Variants in MUC22 observed in about 807,000 individuals in gnomAD.
The protein encoded by MUC22 is mucin-22.
MUC22 carries 24 observed loss-of-function variants against 40.3 expected under a neutral mutation model. The observed-to-expected ratio is 0.60, with a 90% CI of 0.43 to 0.84. The LOEUF (loss-of-function observed/expected upper bound fraction) is 0.84, where lower values mean the gene tolerates loss of function less well. Among genes scored for constraint, MUC22 ranks in the 40% least tolerant of loss-of-function variants. The pLI, the probability that MUC22 is intolerant of heterozygous loss-of-function variation, is 0.00. For missense variants in MUC22, 1,926 were observed against 2,130.7 expected (o/e 0.90, Z 1.89); for synonymous variants, 765 against 844.5 (o/e 0.91, Z 1.63).
chr6:31,024,397 A>ATCAGGTTACCAAGTAACTCCCAAAT (rs533602355), intron 1 of MUC22, among the ~76,000 whole-genome samples: 83,330 of 151,758 alleles, frequency 0.55, 23,083 homozygotes, highest in Non-Finnish European at 0.58. Context: ...ATAATGAGAC[A>ATCAGGTTACCAAGTAACTCCCAAAT]GATTCAGGGA....
chr6:31,017,266 G>A (rs556303467), intron 1 of MUC22, among the ~76,000 whole-genome samples: 2 of 152,392 alleles, frequency 1.3e-5, no homozygotes, highest in East Asian at 3.9e-4. Context: ...GGGCTCCTGA[G>A]TGTAGTGGGG....
At chr6:31,021,244 A>G (rs139141104) in intron 1 of MUC22, among the ~76,000 whole-genome samples, 1,948 of 152,272 alleles carry the variant, frequency 0.013, 29 homozygotes, top group Middle Eastern at 0.024. Context: ...AAATACACCA[A>G]TCAGCACCCT....
rs1488218233 is a variant in MUC22, at chr6:31,032,912, T to C, written c.5055+331T>C. 6.6e-6 allele frequency among the ~76,000 whole-genome samples: 1 copy of C among 152,162 alleles called. No homozygotes were observed. The highest frequency in any genetic ancestry group is 1.5e-5 in the Non-Finnish European group (1 of 68,022). ...TGGGCGCAGTGGCTCACCCCTGTAA[T>C]TCCAGCACTTTGGAAGGCCAAGGAG... is the stretch of plus-strand genomic sequence containing the variant. On this transcript the variant is annotated intron_variant, in intron 3 of 3. Transcript: ENST00000561890. This position sits in a 1 kb window ranked among gnomAD's most constrained non-coding sequence, Gnocchi z 4.1.
chr6:31,027,079 A>T, exon 2 of MUC22: 1 of 1,495,016 alleles, frequency 6.7e-7, no homozygotes, highest in Non-Finnish European at 8.9e-7. Flanking sequence ...CATGGCATCC[A>T]CCATGGGCTC....
At chr6:31,018,596 C>CG (rs367982888) in intron 1 of MUC22, among the ~76,000 whole-genome samples, 1 of 152,370 alleles carries the variant, frequency 6.6e-6, no homozygotes, top group East Asian at 1.9e-4. Flanking sequence ...TATTTCTCTA[C>CG]TTTTTATTCT....
Position 31,028,901 on chromosome 6 carries a change from C to T in MUC22, c.3470C>T (p.Thr1157Ile). 1 of 1,529,292 alleles carries T rather than the reference C, an allele frequency of 6.5e-7. No homozygotes were observed. The highest frequency in any genetic ancestry group is 1.7e-4 in the Middle Eastern group (1 of 5,820). 94.7% of individuals were successfully genotyped at this position (1,529,292 alleles called of 1,614,324 possible). ...TCTACTGAAGGCTCTGAGACCACCA[C>T]AGCCTCTACTGAAGGCTCTGAGATC... is the stretch of plus-strand genomic sequence containing the variant. Residue 1157 changes from threonine to isoleucine, a missense_variant, in exon 2 of 4, where the codon ACA (threonine) becomes ATA (isoleucine). Physicochemically the swap from Thr to Ile is moderately conservative, Grantham distance 89. Coordinates refer to ENST00000561890, the Ensembl canonical transcript of MUC22.
intron 1 of MUC22, among the ~76,000 whole-genome samples, chr6:31,022,255 T>C (rs1764875785): frequency 6.6e-6 from 1 of 152,126 alleles, no homozygotes; most frequent in East Asian, 1.9e-4. Context: ...CACACTGGGT[T>C]CAAGCGATTT....
At chr6:31,019,761 G>A (rs1201569243) in intron 1 of MUC22, among the ~76,000 whole-genome samples, 1 of 152,210 alleles carries the variant, frequency 6.6e-6, no homozygotes, top group African/African-American at 2.4e-5. Flanking sequence ...GGCTGAGGCA[G>A]GAGAATCCCT....
At chr6:31,007,362 C>T (rs2523922), upstream of MUC22, among the ~76,000 whole-genome samples, 22,470 of 152,076 alleles carry the variant, frequency 0.15, 1,730 homozygotes, top group Admixed American at 0.2. The surrounding 1 kb of genome is among the most constrained non-coding windows in gnomAD (Gnocchi z 4.0). Flanking sequence ...TCAGAGTGGT[C>T]CGTTTGTGGG....
Position 31,033,533 on chromosome 6 carries a change from G to A in MUC22, c.5055+952G>A, listed in dbSNP as rs114051916. Among the ~76,000 whole-genome samples, 1,242 of 152,172 alleles carry A rather than the reference G, an allele frequency of 8.2e-3. 5 individuals are homozygous for A. Among genetic ancestry groups the A allele is most frequent in the Non-Finnish European group, 0.013 (858 of 68,018 alleles). ...TTTGAATACATATTTTTCTTACATC[G>A]ATTTCACATTTATTGATGTTCTTCC... On this transcript the variant is annotated intron_variant, in intron 3 of 3. Transcript: ENST00000561890.
intron 1 of MUC22, among the ~76,000 whole-genome samples, chr6:31,022,032 C>T (rs923899345): frequency 9.2e-5 from 14 of 152,120 alleles, no homozygotes; most frequent in African/African-American, 3.4e-4. Flanking sequence ...CACGCATGGG[C>T]TTAAGAGTTG....
chr6:31,016,146 T>TC (rs28381570), intron 1 of MUC22, among the ~76,000 whole-genome samples: 10 of 142,718 alleles, frequency 7.0e-5, no homozygotes, highest in Non-Finnish European at 1.1e-4. Context: ...TTTTTTTTTT[T>TC]GTGGGTGCTA....
chr6:31,032,318 C>T lies in MUC22; in HGVS notation c.4792C>T (p.Leu1598=). Residue 1598 remains leucine, a synonymous_variant, in exon 3 of 4, where the codon CTG becomes TTG. Transcript: ENST00000561890. This position sits in a 1 kb window ranked among gnomAD's most constrained non-coding sequence, Gnocchi z 4.1. ...AGGAATAGTCTTAAACACCTCTGGC[C>T]TGGGTACATCCACTATGGGAGCATC... is the stretch of plus-strand genomic sequence containing the variant. 1 of 1,535,666 alleles carries T rather than the reference C, an allele frequency of 6.5e-7. No homozygotes were observed. The highest frequency in any genetic ancestry group is 8.7e-7 in the Non-Finnish European group (1 of 1,146,900).
chr6:31,027,959 C>A, exon 2 of MUC22: 1 of 1,535,026 alleles, frequency 6.5e-7, no homozygotes, highest in Non-Finnish European at 8.7e-7. Context: ...ACTGCAGGCT[C>A]TGAGACCACC....
intron 1 of MUC22, among the ~76,000 whole-genome samples, chr6:31,022,584 A>G (rs1482079179): frequency 6.6e-6 from 1 of 152,124 alleles, no homozygotes; most frequent in Non-Finnish European, 1.5e-5. Context: ...TAAATTTTAA[A>G]AGATAATATA....
At chr6:31,020,683 G>A (rs1036518477) in intron 1 of MUC22, among the ~76,000 whole-genome samples, 6 of 152,180 alleles carry the variant, frequency 3.9e-5, no homozygotes, top group South Asian at 2.1e-4. Context: ...GCTGGCCGAG[G>A]CCAGAGCCGG....
exon 2 of MUC22, chr6:31,028,001 C>G: frequency 6.5e-7 from 1 of 1,533,192 alleles, no homozygotes; most frequent in Non-Finnish European, 8.7e-7. Flanking sequence ...GAGAACACCA[C>G]AGCATCTACT....
At chr6:31,021,239 C>G (rs1000463453) in intron 1 of MUC22, among the ~76,000 whole-genome samples, 2 of 152,228 alleles carry the variant, frequency 1.3e-5, no homozygotes, top group Non-Finnish European at 2.9e-5. Flanking sequence ...ATTGTAAATA[C>G]ACCAATCAGC....
exon 2 of MUC22, chr6:31,029,495 C>A (rs2150803211): frequency 6.5e-7 from 1 of 1,534,540 alleles, no homozygotes; most frequent in Non-Finnish European, 8.7e-7. Flanking sequence ...GGCTCTGAGA[C>A]CACAACAGTC....
Sources: gnomAD v4.1 joint callset for allele counts (sites outside exome capture counted in the v4.1 genomes callset) on GRCh38, gnomAD v4.1.1 for gene constraint, Gnocchi (gnomAD v3.1) non-coding constraint, MANE v1.5 for transcripts, NCBI Gene and HGNC (gene_info 2026-07-23, HGNC 2026-07-21) for gene names.